NRXN3: variants seen among roughly 807,000 people sequenced by gnomAD.
NRXN3 encodes neurexin 3, also known as neurexin III.
Under a neutral mutation model 137.6 loss-of-function variants are expected in NRXN3, and 32 were observed. The ratio of observed to expected loss-of-function variants is 0.23; its 90% CI spans 0.18 to 0.31. The LOEUF (loss-of-function observed/expected upper bound fraction) is 0.31, where lower values mean the gene tolerates loss of function less well. NRXN3 is among the 10% of genes least tolerant of loss of function. The pLI is 1.00. For missense variants in NRXN3, 1,574 were observed against 2,062.5 expected, an observed-to-expected ratio of 0.76 and a Z score of 4.59; for synonymous variants, 798 against 784.5, an observed-to-expected ratio of 1.02 and a Z score of -0.29.
intron 15 of NRXN3, among the ~76,000 whole-genome samples, chr14:79,374,869 C>T (rs549670213): frequency 1.3e-5 from 2 of 152,136 alleles, no homozygotes; most frequent in African/African-American, 2.4e-5. Context: ...CTTGGGTTTG[C>T]GTTTTCTTGG....
chr14:79,171,260 A>T (rs1417166909), intron 15 of NRXN3, among the ~76,000 whole-genome samples: 1 of 152,066 alleles, frequency 6.6e-6, no homozygotes. Context: ...AGTGAAGAGC[A>T]TTTGCTCTTC....
intron 15 of NRXN3, among the ~76,000 whole-genome samples, chr14:79,217,948 G>C (rs2068832986): frequency 6.6e-6 from 1 of 152,106 alleles, no homozygotes; most frequent in Non-Finnish European, 1.5e-5. Context: ...AAATTCATTT[G>C]CCTCTTCATT....
At chr14:79,272,908 C>G (rs1428515341) in intron 15 of NRXN3, among the ~76,000 whole-genome samples, 5 of 152,158 alleles carry the variant, frequency 3.3e-5, no homozygotes, top group Non-Finnish European at 7.3e-5. Context: ...TGCGGTGGCT[C>G]ACGCCTGTAA....
At chr14:78,325,849 T>C (rs2080011589) in intron 4 of NRXN3, among the ~76,000 whole-genome samples, 1 of 152,192 alleles carries the variant, frequency 6.6e-6, no homozygotes, top group Non-Finnish European at 1.5e-5. Flanking sequence ...TATACAAATA[T>C]GCAAAGTGAG....
At chr14:79,493,182 T>G (rs1001057499) in intron 16 of NRXN3, among the ~76,000 whole-genome samples, 5 of 152,174 alleles carry the variant, frequency 3.3e-5, no homozygotes, top group Non-Finnish European at 5.9e-5. Flanking sequence ...TCCAGACAGA[T>G]CAATACCACA....
chr14:79,211,638 T>A (rs968168963), intron 15 of NRXN3, among the ~76,000 whole-genome samples: 11 of 152,174 alleles, frequency 7.2e-5, no homozygotes, highest in Non-Finnish European at 4.4e-5. Flanking sequence ...TGATTTTAAA[T>A]CCTGTTCTCT....
chr14:78,943,617 AAAAAATATATATATATAT>A (rs1305535307), intron 10 of NRXN3, among the ~76,000 whole-genome samples: 6 of 40,550 alleles, frequency 1.5e-4, no homozygotes, highest in Non-Finnish European at 1.7e-4. Flanking sequence ...TGTTAAAAAA[AAAAAATATATATATATAT>A]ATATATATAT....
chr14:79,841,435 C>A (rs1351148377), intron 20 of NRXN3, among the ~76,000 whole-genome samples: 2 of 152,148 alleles, frequency 1.3e-5, no homozygotes, highest in African/African-American at 2.4e-5. Flanking sequence ...CATGACAGAG[C>A]AAATGAGCTT....
chr14:78,497,713 A>G lies in NRXN3; in HGVS notation c.758-147407A>G, dbSNP rs72681591. On this transcript the variant is annotated intron_variant, in intron 4 of 20. Transcript: ENST00000335750. ...GTGTCAAGTGTCATACTGGGAGGCA[A>G]TATATTTCATGGTTAGATATATAGG... 1.4e-3 allele frequency among the ~76,000 whole-genome samples: 209 copies of G among 152,216 alleles called. 1 individual carries two copies. Among genetic ancestry groups the G allele is most frequent in the South Asian group, 4.3e-3 (21 of 4,828 alleles).
At chr14:78,803,921 A>G (rs765239461) in intron 9 of NRXN3, 98 bp downstream of exon 9, 65 of 1,155,536 alleles carry the variant, frequency 5.6e-5, no homozygotes, top group Non-Finnish European at 7.9e-5. Context: ...TTGTTTCTTG[A>G]AAGTTAGCTG....
intron 8 of NRXN3, among the ~76,000 whole-genome samples, chr14:78,747,227 A>T (rs2098613279): frequency 6.6e-6 from 1 of 152,200 alleles, no homozygotes; most frequent in Non-Finnish European, 1.5e-5. Flanking sequence ...CTCAAATCCT[A>T]TGCGGATGTA....
chr14:79,098,609 T>G (rs1256998393), intron 15 of NRXN3, among the ~76,000 whole-genome samples: 3 of 152,202 alleles, frequency 2.0e-5, no homozygotes, highest in Non-Finnish European at 4.4e-5. Context: ...TTCATTTAAC[T>G]TGGCTTGAGA....
chr14:78,229,723 A>T (rs769307326), intron 1 of NRXN3, among the ~76,000 whole-genome samples: 29 of 152,070 alleles, frequency 1.9e-4, no homozygotes, highest in Non-Finnish European at 3.4e-4. Context: ...AGGTCCTAAT[A>T]CTTGCCCTGG....
intron 10 of NRXN3, among the ~76,000 whole-genome samples, chr14:78,867,591 G>T (rs907339375): frequency 6.6e-6 from 1 of 152,122 alleles, no homozygotes; most frequent in Admixed American, 6.6e-5. Context: ...AGTCATGAAA[G>T]CTAACTGAAT....
chr14:79,075,590 G>A, intron 15 of NRXN3, among the ~76,000 whole-genome samples: 1 of 152,076 alleles, frequency 6.6e-6, no homozygotes, highest in Non-Finnish European at 1.5e-5. Context: ...TTCCAGTGGT[G>A]TATATTTCAG....
intron 4 of NRXN3, among the ~76,000 whole-genome samples, chr14:78,613,578 GTT>G (rs57745190): frequency 0.18 from 17,295 of 94,870 alleles, 991 homozygotes; most frequent in East Asian, 0.21. Flanking sequence ...CACAACCATA[GTT>G]TTTTTTTTTT....
At chr14:79,794,816 T>C (rs936081264) in intron 19 of NRXN3, among the ~76,000 whole-genome samples, 1 of 152,202 alleles carries the variant, frequency 6.6e-6, no homozygotes, top group African/African-American at 2.4e-5. Flanking sequence ...ATCCACAGGA[T>C]CCTGTGCCAT....
intron 16 of NRXN3, among the ~76,000 whole-genome samples, chr14:79,527,526 A>G (rs1410198037): frequency 1.3e-5 from 2 of 152,084 alleles, no homozygotes; most frequent in Non-Finnish European, 2.9e-5. Context: ...AAAGTAAATA[A>G]TGTTAGAAAG....
intron 16 of NRXN3, among the ~76,000 whole-genome samples, chr14:79,495,592 A>G (rs1034205752): frequency 6.6e-6 from 1 of 152,192 alleles, no homozygotes; most frequent in Non-Finnish European, 1.5e-5. Flanking sequence ...ATTACATGTC[A>G]GGCACTGTTC....
Sources: allele counts gnomAD v4.1 joint callset (sites outside exome capture counted in the v4.1 genomes callset), GRCh38; gene constraint gnomAD v4.1.1; transcripts MANE v1.5; gene names NCBI Gene and HGNC (gene_info 2026-07-23, HGNC 2026-07-21).